Variants in MYO1D observed in about 807,000 individuals in gnomAD.
The protein encoded by MYO1D is unconventional myosin-Id.
A neutral mutation model predicts 122.0 loss-of-function variants in MYO1D; 83 were observed. The observed-to-expected ratio is 0.68, with a 90% CI of 0.57 to 0.82. The LOEUF (loss-of-function observed/expected upper bound fraction) is 0.82. Ranked by LOEUF, MYO1D falls within the 40% of genes least tolerant of loss-of-function variation. MYO1D has a pLI of 0.00. For synonymous variants in MYO1D, 464 were observed against 446.9 expected (o/e 1.04, Z -0.48); for missense variants, 1,157 against 1,269.5 (o/e 0.91, Z 1.35).
intron 21 of MYO1D, among the ~76,000 whole-genome samples, chr17:32,590,773 G>GA (rs949047176): frequency 1.3e-5 from 2 of 152,062 alleles, no homozygotes; most frequent in Non-Finnish European, 2.9e-5. Context: ...ATTCAATTTA[G>GA]AAAAAAATTC....
intron 17 of MYO1D, chr17:32,658,890 C>A: frequency 3.6e-6 from 2 of 553,574 alleles, no homozygotes; most frequent in Non-Finnish European, 6.5e-6. Context: ...GGTTGTGGCA[C>A]ATTGCTGTCA....
intron 16 of MYO1D, among the ~76,000 whole-genome samples, chr17:32,672,242 G>T (rs2088731983): frequency 1.3e-5 from 2 of 152,192 alleles, no homozygotes; most frequent in Non-Finnish European, 2.9e-5. Flanking sequence ...CACAGTAAAT[G>T]ATAAAACTGT....
At chr17:32,796,018 G>C (rs1178092652) in intron 1 of MYO1D, among the ~76,000 whole-genome samples, 1 of 152,144 alleles carries the variant, frequency 6.6e-6, no homozygotes, top group Admixed American at 6.5e-5. Flanking sequence ...ACGGTGCTGA[G>C]TGTCCAATAA....
At chr17:32,835,772 C>A (rs1455876292) in intron 1 of MYO1D, among the ~76,000 whole-genome samples, 1 of 152,132 alleles carries the variant, frequency 6.6e-6, no homozygotes, top group Non-Finnish European at 1.5e-5. Flanking sequence ...CTTCTGAATT[C>A]ATCCTAGATT....
intron 16 of MYO1D, among the ~76,000 whole-genome samples, chr17:32,701,531 T>C (rs2089248837): frequency 6.6e-6 from 1 of 152,222 alleles, no homozygotes; most frequent in Non-Finnish European, 1.5e-5. Flanking sequence ...CATCTATTCT[T>C]GATTTTTAAG....
chr17:32,594,420 C>T (rs1286256506), intron 21 of MYO1D: 1 of 430,570 alleles, frequency 2.3e-6, no homozygotes, highest in Admixed American at 4.2e-5. Flanking sequence ...TTTAAAATAT[C>T]TTTCCTTACT....
Position 32,677,111 on chromosome 17 carries a change from G to C in MYO1D, c.2122-17773C>G, listed in dbSNP as rs1235020913. 3.3e-5 allele frequency among the ~76,000 whole-genome samples: 5 copies of C among 152,104 alleles called. No homozygotes were observed. In the East Asian group the frequency reaches 9.6e-4, roughly 29 times the overall value. ...AGGTGTGAGCCACCGTGCCCGGCCA[G>C]AAGTTTTAAATTTTTACGCAGGAAT... is the stretch of plus-strand genomic sequence containing the variant. On this transcript the variant is annotated intron_variant, in intron 16 of 21. Transcript: ENST00000318217.
intron 7 of MYO1D, 80 bp from the exon 8 acceptor site, chr17:32,765,161 G>A (rs2090043026): frequency 8.3e-7 from 1 of 1,207,400 alleles, no homozygotes; most frequent in Admixed American, 1.9e-5. Flanking sequence ...TACAATTCAG[G>A]TGACCTTGTT....
intron 20 of MYO1D, among the ~76,000 whole-genome samples, chr17:32,622,786 G>A (rs1322903087): frequency 1.3e-5 from 2 of 152,198 alleles, no homozygotes; most frequent in African/African-American, 4.8e-5. Context: ...CTGACTATGT[G>A]ATAAGAACGA....
chr17:32,708,328 T>C (rs1028905998), intron 16 of MYO1D, among the ~76,000 whole-genome samples: 4 of 152,198 alleles, frequency 2.6e-5, no homozygotes, highest in East Asian at 1.9e-4. Flanking sequence ...GTTAATGATG[T>C]TACTTCTGGA....
At chr17:32,695,153 T>C (rs1180110889) in intron 16 of MYO1D, among the ~76,000 whole-genome samples, 1 of 148,278 alleles carries the variant, frequency 6.7e-6, no homozygotes, top group Admixed American at 6.9e-5. Flanking sequence ...TGCACCGGCA[T>C]GGTGGGGGTG....
chr17:32,745,362 A>T, intron 12 of MYO1D, 77 bp from the exon 13 acceptor site: 1 of 843,658 alleles, frequency 1.2e-6, no homozygotes, highest in Non-Finnish European at 1.9e-6. Flanking sequence ...AGGAGGCAAC[A>T]AGCCTTTCCA....
At chr17:32,813,826 T>C (rs1303006340) in intron 1 of MYO1D, among the ~76,000 whole-genome samples, 1 of 152,204 alleles carries the variant, frequency 6.6e-6, no homozygotes. Flanking sequence ...AGCATGGTGG[T>C]AGTCACACTC....
chr17:32,566,119 C>T (rs1424919034), intron 21 of MYO1D, among the ~76,000 whole-genome samples: 1 of 152,084 alleles, frequency 6.6e-6, no homozygotes, highest in African/African-American at 2.4e-5. Flanking sequence ...AGTTCCTGTG[C>T]TTCTAGACGG....
intron 1 of MYO1D, among the ~76,000 whole-genome samples, chr17:32,811,568 T>C (rs1001786601): frequency 1.3e-5 from 2 of 151,118 alleles, no homozygotes; most frequent in Non-Finnish European, 2.9e-5. Context: ...AACCTTGTAG[T>C]AGACACTGTA....
chr17:32,626,152 G>A (rs1016145366), intron 20 of MYO1D, among the ~76,000 whole-genome samples: 2 of 152,240 alleles, frequency 1.3e-5, no homozygotes, highest in African/African-American at 4.8e-5. Flanking sequence ...TGTAGGCAGA[G>A]GCTACGTGAT....
At chr17:32,615,980 CAA>C (rs2087764359) in intron 20 of MYO1D, among the ~76,000 whole-genome samples, 1 of 152,130 alleles carries the variant, frequency 6.6e-6, no homozygotes, top group African/African-American at 2.4e-5. Context: ...TGGCAAAATG[CAA>C]AGAGGCTCTG....
chr17:32,651,629 T>A (rs2088390447), intron 19 of MYO1D, among the ~76,000 whole-genome samples: 1 of 152,014 alleles, frequency 6.6e-6, no homozygotes, highest in South Asian at 2.1e-4. Flanking sequence ...AACCACTGTT[T>A]CACACATTTT....
chr17:32,554,410 C>T (rs1029047095), intron 21 of MYO1D, among the ~76,000 whole-genome samples: 6 of 152,208 alleles, frequency 3.9e-5, no homozygotes, highest in African/African-American at 1.4e-4. Flanking sequence ...CTTCTCCACA[C>T]TTCTTCAGTT....
Sources: allele counts gnomAD v4.1 joint callset (sites outside exome capture counted in the v4.1 genomes callset), GRCh38; gene constraint gnomAD v4.1.1; transcripts MANE v1.5; gene names NCBI Gene and HGNC (gene_info 2026-07-23, HGNC 2026-07-21).